GRIK4: variants seen among roughly 807,000 people sequenced by gnomAD.
GRIK4 encodes the protein glutamate ionotropic receptor kainate type subunit 4.
Under a neutral mutation model 104.9 loss-of-function variants are expected in GRIK4, and 40 were observed. That is an observed-to-expected ratio of 0.38 (90% CI 0.30 to 0.50). GRIK4 has a LOEUF of 0.50. Among genes scored for constraint, GRIK4 ranks in the 20% least tolerant of loss-of-function variants. The pLI, the probability that GRIK4 is intolerant of heterozygous loss-of-function variation, is 0.93. For missense variants in GRIK4, 1,047 were observed against 1,308.1 expected (o/e 0.80, Z 3.08); for synonymous variants, 485 against 524.9 (o/e 0.92, Z 1.04).
At chr11:120,797,580 C>T (rs1347320485) in intron 3 of GRIK4, among the ~76,000 whole-genome samples, 3 of 152,178 alleles carry the variant, frequency 2.0e-5, no homozygotes, top group Admixed American at 6.5e-5. Flanking sequence ...TACCTGTTGT[C>T]GTCCTAGTTA....
intron 11 of GRIK4, among the ~76,000 whole-genome samples, chr11:120,886,362 G>T (rs1301234702): frequency 6.6e-6 from 1 of 152,156 alleles, no homozygotes; most frequent in Non-Finnish European, 1.5e-5. Context: ...GCATAGTGCT[G>T]AAGTGCTATC....
intron 11 of GRIK4, among the ~76,000 whole-genome samples, chr11:120,876,203 C>T (rs1954789974): frequency 6.7e-6 from 1 of 148,560 alleles, no homozygotes; most frequent in South Asian, 2.2e-4. Flanking sequence ...ACTACAACCA[C>T]CACCATCATC....
chr11:120,555,549 C>G lies in GRIK4; in HGVS notation c.-159+43662C>G, dbSNP rs534929829. Among the ~76,000 whole-genome samples the G allele has an allele frequency of 2.3e-4, 35 of 152,310 alleles. No homozygotes were observed. Among genetic ancestry groups the G allele is most frequent in the African/African-American group, 7.7e-4 (32 of 41,568 alleles). On this transcript the variant is annotated intron_variant, in intron 1 of 20. Transcript: ENST00000527524. The surrounding 1 kb of genome is among the most constrained non-coding windows in gnomAD (Gnocchi z 5.3). ...TGAGGCTGCCACCAGATGCACACAG[C>G]GGTCGTCTTCTCCCTCACGGTCCGC...
chr11:120,738,580 A>C (rs1324122834), intron 3 of GRIK4, among the ~76,000 whole-genome samples: 3 of 151,906 alleles, frequency 2.0e-5, no homozygotes, highest in Admixed American at 1.3e-4. Flanking sequence ...TGCTCTGCCC[A>C]GTGCATGATG....
At chr11:120,767,409 A>G (rs1484225717) in intron 3 of GRIK4, among the ~76,000 whole-genome samples, 1 of 152,090 alleles carries the variant, frequency 6.6e-6, no homozygotes, top group Admixed American at 6.6e-5. Context: ...TTTTTCTGCT[A>G]TTAATTTATA....
chr11:120,962,747 A>G, intron 18 of GRIK4, 66 bp downstream of exon 18: 1 of 1,020,202 alleles, frequency 9.8e-7, no homozygotes, highest in Non-Finnish European at 1.5e-6. Context: ...AGCTCAAACC[A>G]CTGAATACAG....
At chr11:120,849,570 G>C (rs1373238501) in intron 8 of GRIK4, among the ~76,000 whole-genome samples, 2 of 152,194 alleles carry the variant, frequency 1.3e-5, no homozygotes, top group Non-Finnish European at 2.9e-5. Context: ...CAATGTACCA[G>C]ATGCCATGCC....
chr11:120,594,171 A>G (rs1193821911), intron 1 of GRIK4, among the ~76,000 whole-genome samples: 2 of 152,228 alleles, frequency 1.3e-5, no homozygotes. Flanking sequence ...TTCAGTAGCT[A>G]TTCATTACCC....
chr11:120,948,928 C>T (rs1943931742), intron 14 of GRIK4, among the ~76,000 whole-genome samples: 1 of 152,126 alleles, frequency 6.6e-6, no homozygotes, highest in Admixed American at 6.5e-5. Context: ...CTAGAGGTTA[C>T]CCAACTTACC....
chr11:120,965,937 G>A (rs962148318), intron 18 of GRIK4, among the ~76,000 whole-genome samples: 1 of 152,178 alleles, frequency 6.6e-6, no homozygotes, highest in Non-Finnish European at 1.5e-5. Context: ...TCCACATCCA[G>A]CCTTCATGGA....
chr11:120,534,243 T>C (rs1435237600), intron 1 of GRIK4, among the ~76,000 whole-genome samples: 1 of 152,030 alleles, frequency 6.6e-6, no homozygotes, highest in Non-Finnish European at 1.5e-5. Context: ...TTGGAGTCAA[T>C]TACCAAGACA....
In GRIK4 at chr11:120,799,768, T is replaced by A. The variant is rs551775524; in HGVS notation, c.83-2925T>A. Among the ~76,000 whole-genome samples the A allele has an allele frequency of 3.9e-5, 6 of 152,376 alleles. No homozygotes were observed. The East Asian group carries it at 1.2e-3, about 29-fold the overall frequency. On this transcript the variant is annotated intron_variant, in intron 3 of 20. Coordinates refer to ENST00000527524, the MANE Select transcript of GRIK4 (RefSeq NM_014619.5). ...GTCATGGATCCAGTGTCTGTCCAAC[T>A]CATGCTGGATGGCACTGCCAGTTCC...
At position 120,688,558 on chromosome 11, in the gene GRIK4, C is replaced by T. The variant is rs575724626; in HGVS notation, c.82+28158C>T. Among the ~76,000 whole-genome samples the T allele has an allele frequency of 5.9e-5, 9 of 152,260 alleles. No homozygotes were observed. The South Asian group carries it at 1.9e-3, about 32-fold the overall frequency. On this transcript the variant is annotated intron_variant, in intron 3 of 20. Transcript: ENST00000527524. ...GGATGAGGAATGAGTGTTCAGCAAG[C>T]CCAGGAGGCCTCGATACTTCATCAG...
chr11:120,763,490 G>C (rs985945956), intron 3 of GRIK4, among the ~76,000 whole-genome samples: 2 of 152,032 alleles, frequency 1.3e-5, no homozygotes, highest in African/African-American at 4.8e-5. Context: ...GCTAGCTTTT[G>C]AATTTGTTTG....
chr11:120,867,614 G>C (rs376472354), intron 9 of GRIK4, among the ~76,000 whole-genome samples: 41 of 152,024 alleles, frequency 2.7e-4, no homozygotes, highest in East Asian at 2.1e-3. Context: ...TCGGGCCTTC[G>C]GCATTCTAAG....
At chr11:120,917,766 A>G (rs577701414) in intron 13 of GRIK4, among the ~76,000 whole-genome samples, 1 of 152,318 alleles carries the variant, frequency 6.6e-6, no homozygotes, top group South Asian at 2.1e-4. Context: ...GCAGCTTCCT[A>G]CTGGGAGCTC....
rs1487274810 is a variant in GRIK4, at chr11:120,662,804, G to A, written c.82+2404G>A. On this transcript the variant is annotated intron_variant, in intron 3 of 20. Transcript: ENST00000527524. ...TGAATGGGGCTGCATGAAGAGACCA[G>A]GGATCTGAGAGATAAATCGCCCTGT... 2.6e-5 allele frequency among the ~76,000 whole-genome samples: 4 copies of A among 152,256 alleles called. No individual in the cohort carries two copies. In the East Asian group the frequency reaches 7.7e-4, roughly 29 times the overall value.
chr11:120,689,426 T>C (rs1312578636), intron 3 of GRIK4, among the ~76,000 whole-genome samples: 1 of 152,136 alleles, frequency 6.6e-6, no homozygotes, highest in Non-Finnish European at 1.5e-5. Context: ...CTCCTTAGTG[T>C]GCAGTATCCC....
chr11:120,761,930 G>A (rs981599232), intron 3 of GRIK4, among the ~76,000 whole-genome samples: 1 of 152,058 alleles, frequency 6.6e-6, no homozygotes, highest in Non-Finnish European at 1.5e-5. Context: ...TTGGCTATAC[G>A]GACTCTTTTT....
Sources: allele counts gnomAD v4.1 joint callset (sites outside exome capture counted in the v4.1 genomes callset), GRCh38; gene constraint gnomAD v4.1.1; non-coding constraint Gnocchi (gnomAD v3.1); transcripts MANE v1.5; gene names NCBI Gene and HGNC (gene_info 2026-07-23, HGNC 2026-07-21).